RASSF2: variants seen among roughly 807,000 people sequenced by gnomAD.
The protein encoded by RASSF2 is Ras association domain family member 2.
RASSF2 carries 34 observed loss-of-function variants against 46.3 expected under a neutral mutation model. The ratio of observed to expected loss-of-function variants is 0.73; its 90% CI spans 0.56 to 0.98. The LOEUF (loss-of-function observed/expected upper bound fraction) is 0.98, where lower values mean the gene tolerates loss of function less well. RASSF2 is among the 50% of genes least tolerant of loss of function. The probability of loss-of-function intolerance (pLI) is 0.00; values close to 1 mark genes in which losing one functional copy is unlikely to be tolerated. For missense variants in RASSF2, 364 were observed against 431.2 expected, an observed-to-expected ratio of 0.84 and a Z score of 1.38; for synonymous variants, 158 against 162.5, an observed-to-expected ratio of 0.97 and a Z score of 0.21.
chr20:4,785,562 T>C (rs1414764138), intron 11 of RASSF2, among the ~76,000 whole-genome samples: 1 of 152,232 alleles, frequency 6.6e-6, no homozygotes, highest in Non-Finnish European at 1.5e-5. Flanking sequence ...AAAGCCGCTT[T>C]ATTTTTCAAT....
chr20:4,794,084 A>G (rs748342515), intron 5 of RASSF2, among the ~76,000 whole-genome samples: 4 of 152,200 alleles, frequency 2.6e-5, no homozygotes, highest in East Asian at 3.8e-4. Flanking sequence ...CAGCAATAAT[A>G]CAGTATAGTA....
intron 2 of RASSF2, among the ~76,000 whole-genome samples, chr20:4,810,992 G>A (rs1444985236): frequency 4.6e-5 from 7 of 152,090 alleles, no homozygotes; most frequent in East Asian, 3.9e-4. Context: ...ACGTCACAGC[G>A]ATTCTGACTC....
intron 7 of RASSF2, 132 bp from the exon 8 acceptor site, chr20:4,789,829 A>G (rs1925713452): frequency 1.4e-6 from 1 of 707,968 alleles, no homozygotes; most frequent in Non-Finnish European, 2.4e-6. Flanking sequence ...CAGACTGGCA[A>G]GCAGCAGGCT....
Position 4,787,717 on chromosome 20 carries a change from A to G in RASSF2, c.729T>C (p.Ile243=). 1 of 1,614,156 alleles carries G rather than the reference A, an allele frequency of 6.2e-7. No individual in the cohort carries two copies. The highest frequency in any genetic ancestry group is 1.3e-5 in the African/African-American group (1 of 75,032). The change falls in exon 10 of 12, where the codon ATT becomes ATC. Residue 243 remains isoleucine (I), a synonymous_variant. Transcript: ENST00000379400. ...QKLKATDYPL[I]ARILQGPCEQ... is the part of the protein sequence containing the mutation. The stretch of plus-strand genomic sequence containing the variant: ...CACATGGGCCCTGGAGGATTCGGGC[A>G]ATCAGCGGGTAATCGGTGGCCTTCA...
chr20:4,794,291 C>T (rs1926149037), intron 5 of RASSF2, among the ~76,000 whole-genome samples: 1 of 151,938 alleles, frequency 6.6e-6, no homozygotes, highest in African/African-American at 2.4e-5. Flanking sequence ...CAGGTAGGGC[C>T]AGTATGGTGG....
At position 4,787,760 on chromosome 20, in the gene RASSF2, A is replaced by G. The variant is rs2122433259; in HGVS notation, c.692-6T>C. 1 of 1,614,152 alleles carries G rather than the reference A, an allele frequency of 6.2e-7. No individual in the cohort carries two copies. The highest frequency in any genetic ancestry group is 8.5e-7 in the Non-Finnish European group (1 of 1,180,024). On this transcript the variant is annotated splice_region_variant and splice_polypyrimidine_tract_variant and intron_variant, in intron 9 of 11. Transcript: ENST00000379400. ...GGCCTTCAGCTTCTGTTTCTCTGCA[A>G]CCACACACACCCAGGAGCAGCCCTG... is the stretch of plus-strand genomic sequence containing the variant.
intron 2 of RASSF2, among the ~76,000 whole-genome samples, chr20:4,821,556 A>C (rs1600032010): frequency 6.6e-6 from 1 of 152,094 alleles, no homozygotes; most frequent in African/African-American, 2.4e-5. Flanking sequence ...AGCACTTGGG[A>C]TATGTCTAGG....
intron 2 of RASSF2, among the ~76,000 whole-genome samples, chr20:4,810,680 C>A (rs945164554): frequency 1.3e-5 from 2 of 152,184 alleles, no homozygotes; most frequent in African/African-American, 4.8e-5. Context: ...CTTTGGTGGT[C>A]ACTTTTGTTT....
chr20:4,822,722 G>T (rs1342677682), intron 1 of RASSF2, among the ~76,000 whole-genome samples: 1 of 152,246 alleles, frequency 6.6e-6, no homozygotes, highest in East Asian at 1.9e-4. Flanking sequence ...CGGGGAGACC[G>T]CAAAGGGGAA....
chr20:4,810,279 T>C (rs1927674364), intron 2 of RASSF2, among the ~76,000 whole-genome samples: 1 of 152,166 alleles, frequency 6.6e-6, no homozygotes, highest in South Asian at 2.1e-4. Context: ...TTGCAGGTGT[T>C]TCCAGCCTCC....
intron 4 of RASSF2, among the ~76,000 whole-genome samples, chr20:4,797,688 C>T (rs904180177): frequency 2.6e-5 from 4 of 152,124 alleles, no homozygotes; most frequent in Non-Finnish European, 5.9e-5. Context: ...AATTGCCCAA[C>T]GAGAGAACGT....
At chr20:4,787,844 ATGCCGCCATATACG>A in intron 9 of RASSF2, 90 bp from the exon 10 acceptor site, 1 of 1,227,062 alleles carries the variant, frequency 8.1e-7, no homozygotes, top group Non-Finnish European at 1.1e-6. Context: ...ACCTTAGGAG[ATGCCGCCATATACG>A]TCAGGAGACT....
chr20:4,795,714 G>A lies in RASSF2; in HGVS notation c.287+101C>T. On this transcript the variant is annotated intron_variant, in intron 5 of 11. Coordinates refer to ENST00000379400, the MANE Select transcript of RASSF2 (RefSeq NM_014737.3). The surrounding 1 kb of genome is among the most constrained non-coding windows in gnomAD (Gnocchi z 4.0). ...GTAGAGGTAGTAGGAGGAGGAGCCAGGGTCAGGGCTGGCTGGAAGAAGGCA... is the reference window on the plus strand; with the variant it reads ...GTAGAGGTAGTAGGAGGAGGAGCCAAGGTCAGGGCTGGCTGGAAGAAGGCA... 7.1e-7 allele frequency: 1 copy of A among 1,410,748 alleles called. No individual in the cohort carries two copies. The highest frequency in any genetic ancestry group is 9.6e-7 in the Non-Finnish European group (1 of 1,045,814). The allele number at this position is 1,410,748 out of a possible 1,614,324, so 87.4% of individuals were successfully genotyped here.
In RASSF2 at chr20:4,802,889, TATATATAC is replaced by T. The variant is rs1400266603; in HGVS notation, c.-32-1835_-32-1828del. Among the ~76,000 whole-genome samples the T allele has an allele frequency of 4.0e-5, 4 of 101,034 alleles. No homozygotes were observed. In the Admixed American group the frequency reaches 4.6e-4, roughly 12 times the overall value. 66.3% of individuals were successfully genotyped at this position (101,034 alleles called of 152,430 possible). A position where few individuals can be genotyped will look rare whatever the true frequency, so the allele number is the denominator to read the frequency against. On this transcript the variant is annotated intron_variant, in intron 2 of 11. Transcript: ENST00000379400. ...ACACGTGTATGTGTGTGTGTATATA[TATATATAC>T]ATATATATATATATATATTTTTTTT...
chr20:4,792,901 C>T, intron 5 of RASSF2: 1 of 511,454 alleles, frequency 2.0e-6, no homozygotes, highest in South Asian at 2.3e-5. Context: ...ACACACCCAA[C>T]CAATTCATCA....
intron 11 of RASSF2, among the ~76,000 whole-genome samples, chr20:4,784,707 C>CCTCG (rs1436559943): frequency 6.6e-6 from 1 of 151,796 alleles, no homozygotes; most frequent in Non-Finnish European, 1.5e-5. Flanking sequence ...ACTTCATATG[C>CCTCG]ACAGCAGCTC....
At chr20:4,822,431 G>C (rs1437245135) in intron 1 of RASSF2, 28 bp from the exon 2 acceptor site, 1 of 152,152 alleles carries the variant, frequency 6.6e-6, no homozygotes, top group African/African-American at 2.4e-5. Flanking sequence ...CGCAGCTGTT[G>C]AGAGGCCTCG....
rs1031640665 is a variant in RASSF2 at position 4,795,372 on chromosome 20, G to C, written c.287+443C>G. ...CTTCTAGGTTCCCCCAAGATTCAGA[G>C]AGCTTTGGTCAGAAGGTTCAAGTCA... On this transcript the variant is annotated intron_variant, in intron 5 of 11. Coordinates refer to ENST00000379400, the MANE Select transcript of RASSF2 (RefSeq NM_014737.3). The surrounding 1 kb of genome is among the most constrained non-coding windows in gnomAD (Gnocchi z 4.0). 1.0e-4 allele frequency: 16 copies of C among 153,870 alleles called. No homozygotes were observed. The highest frequency in any genetic ancestry group is 3.9e-4 in the African/African-American group (16 of 41,516). The allele number at this position is 153,870 out of a possible 1,614,324, so 9.5% of individuals were successfully genotyped here.
chr20:4,816,247 A>G (rs1427655574), intron 2 of RASSF2, among the ~76,000 whole-genome samples: 1 of 152,208 alleles, frequency 6.6e-6, no homozygotes, highest in Non-Finnish European at 1.5e-5. Context: ...CGGAAGCTGC[A>G]GTCAGCCATG....
Sources: allele counts gnomAD v4.1 joint callset (sites outside exome capture counted in the v4.1 genomes callset), GRCh38; gene constraint gnomAD v4.1.1; non-coding constraint Gnocchi (gnomAD v3.1); transcripts MANE v1.5; gene names NCBI Gene and HGNC (gene_info 2026-07-23, HGNC 2026-07-21).